NHS: variants seen among roughly 807,000 people sequenced by gnomAD.
NHS encodes the protein NHS actin remodeling regulator, also known as actin remodeling regulator NHS.
A neutral mutation model predicts 72.5 loss-of-function variants in NHS; 5 were observed. The observed-to-expected ratio is 0.07, with a 90% confidence interval of 0.04 to 0.14. The LOEUF (loss-of-function observed/expected upper bound fraction) is 0.14, where lower values mean the gene tolerates loss of function less well. NHS is among the 10% of genes least tolerant of loss of function. NHS has a pLI of 1.00. For missense variants in NHS, 1,072 were observed against 1,355.7 expected, an observed-to-expected ratio of 0.79 and a Z score of 3.29; for synonymous variants, 464 against 547.7, an observed-to-expected ratio of 0.85 and a Z score of 2.13.
At chrX:17,410,583 G>T (rs2064553263) in intron 1 of NHS, among the ~76,000 whole-genome samples, 1 of 95,558 alleles carries the variant, frequency 1.0e-5, no homozygotes, top group Non-Finnish European at 2.0e-5. Context: ...TGTCCCTCCT[G>T]ACACCTTTCC....
At chrX:17,458,455 C>A (rs1008302649) in intron 1 of NHS, among the ~76,000 whole-genome samples, 2 of 110,971 alleles carry the variant, frequency 1.8e-5, no homozygotes, top group African/African-American at 6.6e-5. Flanking sequence ...TCTTGAACTC[C>A]TGACCTCAAG....
chrX:17,576,443 T>C (rs1014875467), intron 1 of NHS, among the ~76,000 whole-genome samples: 6 of 111,806 alleles, frequency 5.4e-5, no homozygotes, highest in Non-Finnish European at 9.4e-5. Flanking sequence ...ACCCCACCTT[T>C]GTCCTGGCCA....
chrX:17,589,781 A>C (rs998630330), intron 1 of NHS, among the ~76,000 whole-genome samples: 2 of 111,908 alleles, frequency 1.8e-5, no homozygotes, highest in African/African-American at 6.5e-5. Context: ...TGGTTATACT[A>C]GTTTACATTC....
intron 1 of NHS, among the ~76,000 whole-genome samples, chrX:17,670,087 T>C (rs992693398): frequency 1.1e-4 from 12 of 112,310 alleles, no homozygotes; most frequent in Non-Finnish European, 1.7e-4. Context: ...ATAGCTACTA[T>C]TGAAAGAAGA....
intron 1 of NHS, among the ~76,000 whole-genome samples, chrX:17,428,138 G>A (rs1159389016): frequency 2.7e-5 from 3 of 112,303 alleles, no homozygotes; most frequent in Admixed American, 9.4e-5. Context: ...TTAGATCAGG[G>A]TACGTGACCT....
At chrX:17,454,155 A>G (rs1462857535) in intron 1 of NHS, among the ~76,000 whole-genome samples, 1 of 111,820 alleles carries the variant, frequency 8.9e-6, no homozygotes, top group Non-Finnish European at 1.9e-5. Flanking sequence ...TTTGTATAGG[A>G]GCCCAACTCT....
intron 1 of NHS, among the ~76,000 whole-genome samples, chrX:17,486,037 C>T (rs748040475): frequency 6.3e-5 from 7 of 111,660 alleles, no homozygotes; most frequent in African/African-American, 2.0e-4. Context: ...GGCAGCAAAA[C>T]GTGATTTCAC....
intron 1 of NHS, among the ~76,000 whole-genome samples, chrX:17,588,784 AAC>A (rs1027563730): frequency 2.7e-5 from 3 of 111,750 alleles, no homozygotes; most frequent in African/African-American, 9.8e-5. Context: ...CATAGATATT[AAC>A]AGTCTCAACA....
chrX:17,568,524 T>A, intron 1 of NHS, among the ~76,000 whole-genome samples: 1 of 109,880 alleles, frequency 9.1e-6, no homozygotes, highest in Middle Eastern at 4.8e-3. Context: ...GTAAATCTTT[T>A]TTTTTTTTTT....
chrX:17,477,130 G>A (rs1465191934), intron 1 of NHS, among the ~76,000 whole-genome samples: 1 of 111,875 alleles, frequency 8.9e-6, no homozygotes, highest in African/African-American at 3.2e-5. Context: ...AGATAAATAT[G>A]TTATACTCTC....
intron 1 of NHS, among the ~76,000 whole-genome samples, chrX:17,492,949 C>G (rs1213551590): frequency 8.9e-6 from 1 of 112,183 alleles, no homozygotes; most frequent in Non-Finnish European, 1.9e-5. Flanking sequence ...TTAAGTTCCC[C>G]TGATATAGGA....
At chrX:17,661,422 C>T (rs2065982210) in intron 1 of NHS, among the ~76,000 whole-genome samples, 1 of 110,269 alleles carries the variant, frequency 9.1e-6, no homozygotes, top group Admixed American at 9.6e-5. Context: ...TCCCTCTCCC[C>T]TTGCCCCCCA....
chrX:17,423,721 CA>C (rs1180244521), intron 1 of NHS, among the ~76,000 whole-genome samples: 2 of 112,118 alleles, frequency 1.8e-5, no homozygotes, highest in Non-Finnish European at 3.8e-5. Context: ...CCTCACCTTG[CA>C]GGGATGTTGG....
intron 1 of NHS, among the ~76,000 whole-genome samples, chrX:17,429,224 ATGTGTGTGTGTGTG>A (rs10616889): frequency 6.2e-5 from 6 of 96,839 alleles, no homozygotes; most frequent in Admixed American, 3.3e-4. Context: ...GTACTGGGGG[ATGTGTGTGTGTGTG>A]TGTGTGTGTG....
chrX:17,507,329 A>G (rs149182337), intron 1 of NHS, among the ~76,000 whole-genome samples: 1 of 111,956 alleles, frequency 8.9e-6, no homozygotes, highest in African/African-American at 3.2e-5. Flanking sequence ...CTGTGGTGAG[A>G]TATTTTCTGT....
chrX:17,579,182 A>C (rs1180297747), intron 1 of NHS, among the ~76,000 whole-genome samples: 1 of 112,353 alleles, frequency 8.9e-6, no homozygotes, highest in Non-Finnish European at 1.9e-5. Flanking sequence ...CTTGCGTTTT[A>C]AAGCAAGTAA....
intron 1 of NHS, among the ~76,000 whole-genome samples, chrX:17,685,207 A>G (rs1166503879): frequency 8.9e-6 from 1 of 111,997 alleles, no homozygotes; most frequent in Non-Finnish European, 1.9e-5. Flanking sequence ...CTGTGACCAA[A>G]TGACGTCACT....
At chrX:17,573,376 T>C (rs1413431878) in intron 1 of NHS, among the ~76,000 whole-genome samples, 1 of 110,586 alleles carries the variant, frequency 9.0e-6, no homozygotes, top group Admixed American at 9.7e-5. Context: ...TTTGTTCATT[T>C]CTTTTCACTC....
At chrX:17,585,477 C>T (rs940009676) in intron 1 of NHS, among the ~76,000 whole-genome samples, 9 of 111,315 alleles carry the variant, frequency 8.1e-5, no homozygotes, top group East Asian at 2.8e-4. Context: ...CAGGATGGGG[C>T]GATGTGAGTG....
Sources: allele counts gnomAD v4.1 joint callset (sites outside exome capture counted in the v4.1 genomes callset), GRCh38; gene constraint gnomAD v4.1.1; transcripts MANE v1.5; gene names NCBI Gene and HGNC (gene_info 2026-07-23, HGNC 2026-07-21).